The following ZNF654 variants were observed in gnomAD, a reference collection of about 807,000 sequenced individuals.
The protein encoded by ZNF654 is melanoma-associated antigen.
A neutral mutation model predicts 95.3 loss-of-function variants in ZNF654; 19 were observed. The ratio of observed to expected loss-of-function variants is 0.20; its 90% CI spans 0.14 to 0.29. The LOEUF (loss-of-function observed/expected upper bound fraction) is 0.29, where lower values mean the gene tolerates loss of function less well. Among genes scored for constraint, ZNF654 ranks in the 10% least tolerant of loss-of-function variants. ZNF654 has a pLI of 1.00. For synonymous variants in ZNF654, 413 were observed against 457.9 expected (o/e 0.90, Z 1.25); for missense variants, 1,046 against 1,341.0 (o/e 0.78, Z 3.44).
chr3:88,085,093 A>C (rs1388971831), intron 1 of ZNF654, among the ~76,000 whole-genome samples: 1 of 152,214 alleles, frequency 6.6e-6, no homozygotes, highest in Non-Finnish European at 1.5e-5. Context: ...AAAATTGTAG[A>C]AATGTGAGAG....
At chr3:88,116,079 TAAC>T (rs1200601742) in intron 3 of ZNF654, among the ~76,000 whole-genome samples, 1 of 152,052 alleles carries the variant, frequency 6.6e-6, no homozygotes, top group East Asian at 1.9e-4. Flanking sequence ...CCCCTGCTTG[TAAC>T]AACAAGGGCT....
chr3:88,118,558 C>A (rs115836738), intron 3 of ZNF654, among the ~76,000 whole-genome samples: 1,985 of 152,200 alleles, frequency 0.013, 44 homozygotes, highest in African/African-American at 0.046. Flanking sequence ...TGACTTTCCA[C>A]TAAAACCTCA....
intron 1 of ZNF654, among the ~76,000 whole-genome samples, chr3:88,067,761 T>A (rs1707283026): frequency 6.6e-6 from 1 of 152,184 alleles, no homozygotes; most frequent in African/African-American, 2.4e-5. Context: ...GTAGTCAGGT[T>A]GGAGTAGTTC....
At chr3:88,097,766 G>C (rs1261501946) in intron 2 of ZNF654, among the ~76,000 whole-genome samples, 1 of 152,156 alleles carries the variant, frequency 6.6e-6, no homozygotes, top group Non-Finnish European at 1.5e-5. Context: ...CAGAAATAAA[G>C]ATGTTCTTTG....
chr3:88,134,971 C>T (rs1015732943), intron 6 of ZNF654, 90 bp from the exon 7 acceptor site: 8 of 922,310 alleles, frequency 8.7e-6, no homozygotes, highest in South Asian at 5.7e-5. Flanking sequence ...TACATCCCAG[C>T]CAGGGCACTA....
At chr3:88,068,686 A>G (rs775890496) in intron 1 of ZNF654, among the ~76,000 whole-genome samples, 12 of 152,190 alleles carry the variant, frequency 7.9e-5, no homozygotes, top group Non-Finnish European at 1.3e-4. Flanking sequence ...AATGCTTTCC[A>G]TGAATCAGGG....
chr3:88,129,212 T>C (rs1218639983), intron 5 of ZNF654, among the ~76,000 whole-genome samples: 1 of 150,106 alleles, frequency 6.7e-6, no homozygotes, highest in African/African-American at 2.5e-5. Flanking sequence ...TATTAACAAA[T>C]GATGAAATCA....
In ZNF654 at chr3:88,091,528, A is replaced by G. The variant is rs1708629632; in HGVS notation, c.332+5126A>G. Among the ~76,000 whole-genome samples, 3 of 152,116 alleles carry G rather than the reference A, an allele frequency of 2.0e-5. No homozygotes were observed. In the South Asian group the frequency reaches 6.2e-4, roughly 31 times the overall value. On this transcript the variant is annotated intron_variant, in intron 2 of 8. Coordinates refer to ENST00000636215, the MANE Select transcript of ZNF654 (RefSeq NM_001350134.2). Reference sequence around the variant, plus strand: ...TGTGAAAATTCTTATACAACTTTCAAAAGTTCTTTGGTTTAAAATGTCATT... The same window carrying G: ...TGTGAAAATTCTTATACAACTTTCAGAAGTTCTTTGGTTTAAAATGTCATT...
rs73844842 is a variant in ZNF654 at position 88,059,925 on chromosome 3, G to A, written c.186+420G>A. ...CCCCTCTCCGCCGATTGCCCCCCGT[G>A]TTCTCCCCTTTTTTTCCGGGATGGG... is the stretch of plus-strand genomic sequence containing the variant. On this transcript the variant is annotated intron_variant, in intron 1 of 8. Transcript: ENST00000636215. 3.0e-3 allele frequency among the ~76,000 whole-genome samples: 462 copies of A among 152,050 alleles called. 3 individuals carry two copies. The highest frequency in any genetic ancestry group is 0.011 in the African/African-American group (444 of 41,452).
At chr3:88,130,395 G>A (rs1324277773) in intron 6 of ZNF654, among the ~76,000 whole-genome samples, 3 of 151,928 alleles carry the variant, frequency 2.0e-5, no homozygotes, top group African/African-American at 4.8e-5. Context: ...TAAATTAATA[G>A]CTTGAAGGCA....
intron 6 of ZNF654, among the ~76,000 whole-genome samples, chr3:88,131,716 T>C (rs1239454644): frequency 1.3e-5 from 2 of 152,164 alleles, no homozygotes; most frequent in Non-Finnish European, 2.9e-5. Flanking sequence ...TGTCCCTTCC[T>C]TCTAAATAGC....
intron 2 of ZNF654, among the ~76,000 whole-genome samples, chr3:88,107,507 G>A (rs1704815777): frequency 1.3e-5 from 2 of 152,000 alleles, no homozygotes; most frequent in African/African-American, 4.8e-5. Flanking sequence ...GGCATTTTCT[G>A]GGCTCTCCTG....
rs1707171207 is a variant in ZNF654 at position 88,142,287 on chromosome 3, AAAAC to A, written c.*639_*642del. ...ATGGCACGCCAGCATTGAAAATTAA[AAAAC>A]AAAACAAAAAAAACCACAGTGCTTT... is the stretch of plus-strand genomic sequence containing the variant. On this transcript the variant is annotated 3_prime_UTR_variant, in exon 9 of 9. Coordinates refer to ENST00000636215, the MANE Select transcript of ZNF654 (RefSeq NM_001350134.2). 1 of 56,394 alleles carries A rather than the reference AAAAC, an allele frequency of 1.8e-5. No individual in the cohort carries two copies. Among genetic ancestry groups the A allele is most frequent in the Non-Finnish European group, 5.5e-5 (1 of 18,224 alleles). The allele number at this position is 56,394 out of a possible 1,614,324, so 3.5% of individuals were successfully genotyped here. A position where few individuals can be genotyped will look rare whatever the true frequency, so the allele number is the denominator to read the frequency against.
At chr3:88,109,234 A>G (rs924416809) in intron 2 of ZNF654, among the ~76,000 whole-genome samples, 1 of 151,794 alleles carries the variant, frequency 6.6e-6, no homozygotes, top group African/African-American at 2.4e-5. Context: ...ACTGAAGAAA[A>G]TATTTTGAAG....
intron 1 of ZNF654, among the ~76,000 whole-genome samples, chr3:88,073,981 T>G (rs1365256987): frequency 6.6e-6 from 1 of 152,190 alleles, no homozygotes; most frequent in African/African-American, 2.4e-5. Flanking sequence ...CTAATTAACC[T>G]GTGATAGTGT....
chr3:88,127,446 T>A (rs1373946722), intron 4 of ZNF654, among the ~76,000 whole-genome samples: 16 of 147,668 alleles, frequency 1.1e-4, no homozygotes, highest in South Asian at 2.1e-4. Flanking sequence ...GAAAGGGAGT[T>A]AAAAAAAAAA....
At chr3:88,097,343 T>A (rs1704123225) in intron 2 of ZNF654, among the ~76,000 whole-genome samples, 1 of 152,014 alleles carries the variant, frequency 6.6e-6, no homozygotes, top group South Asian at 2.1e-4. Context: ...GAACCAGTTT[T>A]CTCACACCTT....
At chr3:88,071,799 C>G (rs373759988) in intron 1 of ZNF654, among the ~76,000 whole-genome samples, 1 of 151,956 alleles carries the variant, frequency 6.6e-6, no homozygotes, top group Admixed American at 6.6e-5. Flanking sequence ...AGTGAGACTC[C>G]GTCTCAAAAA....
chr3:88,125,692 G>C (rs1213831426), intron 3 of ZNF654, among the ~76,000 whole-genome samples: 1 of 152,158 alleles, frequency 6.6e-6, no homozygotes, highest in East Asian at 1.9e-4. Flanking sequence ...TTGTCTACCT[G>C]CCAGCCAGAG....
Sources: gnomAD v4.1 joint callset for allele counts (sites outside exome capture counted in the v4.1 genomes callset) on GRCh38, gnomAD v4.1.1 for gene constraint, MANE v1.5 for transcripts, NCBI Gene and HGNC (gene_info 2026-07-23, HGNC 2026-07-21) for gene names.